Variants in EYS observed in about 807,000 individuals in gnomAD.
EYS encodes protein eyes shut homolog.
EYS carries 250 observed loss-of-function variants against 282.1 expected under a neutral mutation model. The observed-to-expected ratio is 0.89, with a 90% CI of 0.80 to 0.98. The LOEUF is 0.98. EYS is among the 50% of genes least tolerant of loss of function. The probability of loss-of-function intolerance (pLI) is 0.00; values close to 1 mark genes in which losing one functional copy is unlikely to be tolerated. For missense variants in EYS, 4,016 were observed against 3,709.0 expected (o/e 1.08, Z -2.15); for synonymous variants, 1,355 against 1,282.9 (o/e 1.06, Z -1.20).
chr6:63,884,094 C>A (rs1357678073), intron 35 of EYS, among the ~76,000 whole-genome samples: 2 of 152,106 alleles, frequency 1.3e-5, no homozygotes, highest in African/African-American at 4.8e-5. Flanking sequence ...GGATTGTGCT[C>A]ACAAAGTCTA....
intron 31 of EYS, among the ~76,000 whole-genome samples, chr6:64,201,085 ATAATT>A (rs1416882570): frequency 2.6e-5 from 4 of 152,140 alleles, no homozygotes; most frequent in Admixed American, 2.6e-4. Context: ...TTCTTAAATA[ATAATT>A]TAAAGTATTT....
At chr6:64,825,518 A>T (rs1436060012) in intron 19 of EYS, among the ~76,000 whole-genome samples, 2 of 151,808 alleles carry the variant, frequency 1.3e-5, no homozygotes, top group African/African-American at 4.8e-5. Flanking sequence ...TGTTTTACAG[A>T]TATCTGTTAT....
intron 22 of EYS, among the ~76,000 whole-genome samples, chr6:64,684,608 G>T (rs12202137): frequency 6.6e-5 from 10 of 151,254 alleles, no homozygotes; most frequent in Admixed American, 6.6e-4. Context: ...TAGAGAGAGA[G>T]ATATATATGT....
At chr6:65,188,252 T>C (rs1765559242) in intron 12 of EYS, among the ~76,000 whole-genome samples, 2 of 151,688 alleles carry the variant, frequency 1.3e-5, no homozygotes, top group Admixed American at 1.3e-4. Flanking sequence ...TTGTCTTGAC[T>C]AGGAAAAAAT....
At chr6:64,077,244 T>C (rs1771805663) in intron 32 of EYS, among the ~76,000 whole-genome samples, 1 of 152,014 alleles carries the variant, frequency 6.6e-6, no homozygotes, top group Non-Finnish European at 1.5e-5. Context: ...GCAATCTTTT[T>C]CCTTAGAAGA....
intron 12 of EYS, among the ~76,000 whole-genome samples, chr6:65,145,498 C>CA (rs1202333928): frequency 1.3e-5 from 2 of 149,018 alleles, no homozygotes; most frequent in African/African-American, 2.5e-5. Flanking sequence ...CCAGGTCTGT[C>CA]AGACTATGTA....
intron 26 of EYS, among the ~76,000 whole-genome samples, chr6:64,449,875 A>G (rs13201502): frequency 0.28 from 42,130 of 152,034 alleles, 5,968 homozygotes; most frequent in East Asian, 0.46. Context: ...ATGGAAAGGA[A>G]CAACCGGTAC....
chr6:64,059,769 C>T (rs1771100981), intron 33 of EYS, among the ~76,000 whole-genome samples: 1 of 152,160 alleles, frequency 6.6e-6, no homozygotes, highest in Admixed American at 6.6e-5. Flanking sequence ...TGCATTGTAA[C>T]TTGCTATTCA....
chr6:65,191,865 G>T (rs1044342479), intron 12 of EYS, among the ~76,000 whole-genome samples: 1 of 151,802 alleles, frequency 6.6e-6, no homozygotes, highest in Non-Finnish European at 1.5e-5. Context: ...ATGCTGCCTT[G>T]TGCCATTTAC....
At chr6:63,963,817 C>T (rs1198623449) in intron 35 of EYS, among the ~76,000 whole-genome samples, 1 of 152,170 alleles carries the variant, frequency 6.6e-6, no homozygotes, top group East Asian at 1.9e-4. Flanking sequence ...AGTCTAATTA[C>T]TGATGGTAGG....
At chr6:65,669,957 A>C (rs975673656) in intron 1 of EYS, among the ~76,000 whole-genome samples, 6 of 151,884 alleles carry the variant, frequency 4.0e-5, no homozygotes, top group African/African-American at 1.5e-4. Context: ...GCATATAGTT[A>C]GTCCTAATAA....
At chr6:65,501,852 ATAT>A (rs780970788) in intron 2 of EYS, among the ~76,000 whole-genome samples, 31 of 151,660 alleles carry the variant, frequency 2.0e-4, no homozygotes, top group Non-Finnish European at 4.3e-4. Context: ...GAGGGTGAAA[ATAT>A]TATTATTAAA....
At chr6:64,110,768 T>C (rs372890597) in intron 31 of EYS, among the ~76,000 whole-genome samples, 4 of 151,856 alleles carry the variant, frequency 2.6e-5, no homozygotes, top group South Asian at 4.1e-4. Flanking sequence ...TGAGAGGATA[T>C]AGCAAAGGAG....
intron 12 of EYS, among the ~76,000 whole-genome samples, chr6:65,207,062 A>C (rs1170382672): frequency 1.3e-5 from 2 of 151,808 alleles, no homozygotes; most frequent in Non-Finnish European, 3.0e-5. Flanking sequence ...AGGCATCCAA[A>C]TTAGAGAACA....
chr6:64,334,489 C>A (rs1157349767), intron 29 of EYS, among the ~76,000 whole-genome samples: 2 of 152,024 alleles, frequency 1.3e-5, no homozygotes, highest in African/African-American at 2.4e-5. Context: ...TAATGAATGG[C>A]CCCCTGAAAG....
intron 31 of EYS, among the ~76,000 whole-genome samples, chr6:64,131,536 G>T (rs1470131580): frequency 6.6e-6 from 1 of 152,070 alleles, no homozygotes; most frequent in African/African-American, 2.4e-5. Flanking sequence ...CTTGTGTGTG[G>T]GGGAGCAGTG....
At chr6:64,522,479 A>C (rs909923143) in intron 26 of EYS, among the ~76,000 whole-genome samples, 4 of 151,710 alleles carry the variant, frequency 2.6e-5, no homozygotes, top group African/African-American at 9.7e-5. Flanking sequence ...TAAGTTTGTT[A>C]GATGAAGGGA....
rs191284083 is a variant in EYS, at chr6:64,370,370, C to G, written c.6078+18320G>C. Among the ~76,000 whole-genome samples, 11 of 152,186 alleles carry G rather than the reference C, an allele frequency of 7.2e-5. No individual in the cohort carries two copies. The East Asian group carries it at 2.1e-3, about 29-fold the overall frequency. ...CCAACCTTGCATTCCAGAGACAGAG[C>G]CTACTTGATCATGGTGGATTAGCTT... On this transcript the variant is annotated intron_variant, in intron 29 of 42. Transcript: ENST00000503581.
intron 26 of EYS, among the ~76,000 whole-genome samples, chr6:64,555,917 A>T (rs1765219127): frequency 6.6e-6 from 1 of 151,998 alleles, no homozygotes; most frequent in South Asian, 2.1e-4. Context: ...ACTGCTGAAA[A>T]GTAAAATCTA....
Sources: allele counts gnomAD v4.1 joint callset (sites outside exome capture counted in the v4.1 genomes callset), GRCh38; gene constraint gnomAD v4.1.1; transcripts MANE v1.5; gene names NCBI Gene and HGNC (gene_info 2026-07-23, HGNC 2026-07-21).